The following ZHX3 variants were observed in gnomAD, a reference collection of about 807,000 sequenced individuals.
The protein encoded by ZHX3 is zinc fingers and homeoboxes protein 3.
ZHX3 carries 20 observed loss-of-function variants against 64.5 expected under a neutral mutation model. The observed-to-expected ratio is 0.31, with a 90% CI of 0.22 to 0.45. ZHX3 has a LOEUF of 0.45. Ranked by LOEUF, ZHX3 falls within the 20% of genes least tolerant of loss-of-function variation. The probability of loss-of-function intolerance (pLI) is 1.00; values close to 1 mark genes in which losing one functional copy is unlikely to be tolerated. For synonymous variants in ZHX3, 423 were observed against 461.6 expected (o/e 0.92, Z 1.07); for missense variants, 1,041 against 1,195.8 (o/e 0.87, Z 1.91).
intron 2 of ZHX3, among the ~76,000 whole-genome samples, chr20:41,221,301 A>G (rs545629401): frequency 6.6e-6 from 1 of 152,222 alleles, no homozygotes; most frequent in Non-Finnish European, 1.5e-5. Context: ...CACATTATTT[A>G]TAATGTGAGA....
At chr20:41,261,863 G>A (rs2042578441) in intron 2 of ZHX3, among the ~76,000 whole-genome samples, 1 of 151,910 alleles carries the variant, frequency 6.6e-6, no homozygotes, top group African/African-American at 2.4e-5. Flanking sequence ...ATTTCCAACT[G>A]CTCCTAGATA....
At position 41,317,540 on chromosome 20, in the gene ZHX3, CCGGGCCGCTCTTCCCGCGCTG is replaced by C. The variant is rs1261779757; in HGVS notation, c.-297_-277del. The stretch of plus-strand genomic sequence containing the variant: ...GCGGCGGCGGTGGCGGCGCCCGCGA[CCGGGCCGCTCTTCCCGCGCTG>C]CGGGCCTCCCTCCCCGCGGCCGGGC... On this transcript the variant is annotated 5_prime_UTR_variant, in exon 1 of 4. Transcript: ENST00000683867. The C allele has an allele frequency of 6.8e-6, 1 of 147,538 alleles. No individual in the cohort carries two copies. Among genetic ancestry groups the C allele is most frequent in the African/African-American group, 2.4e-5 (1 of 40,928 alleles). The allele number at this position is 147,538 out of a possible 1,614,324, so 9.1% of individuals were successfully genotyped here. A position where few individuals can be genotyped will look rare whatever the true frequency, so the allele number is the denominator to read the frequency against.
chr20:41,305,201 C>T (rs773038035), intron 1 of ZHX3, among the ~76,000 whole-genome samples: 14 of 152,154 alleles, frequency 9.2e-5, no homozygotes, highest in South Asian at 4.1e-4. Flanking sequence ...TTCAGTGATA[C>T]GCAAGGTAAG....
chr20:41,315,346 C>CTT (rs11471425), intron 1 of ZHX3, among the ~76,000 whole-genome samples: 14 of 56,056 alleles, frequency 2.5e-4, no homozygotes, highest in Non-Finnish European at 3.2e-4. Flanking sequence ...CCAGGCCTGG[C>CTT]TTTTTTTTTT....
At chr20:41,240,515 C>G (rs1295372555) in intron 2 of ZHX3, among the ~76,000 whole-genome samples, 1 of 152,104 alleles carries the variant, frequency 6.6e-6, no homozygotes, top group Admixed American at 6.5e-5. Context: ...TTCATCGCCT[C>G]AAGTATTTAT....
chr20:41,258,411 T>A (rs1004371024), intron 2 of ZHX3, among the ~76,000 whole-genome samples: 1 of 152,214 alleles, frequency 6.6e-6, no homozygotes, highest in African/African-American at 2.4e-5. Context: ...TTTCTACCGA[T>A]GTCCCTTTAC....
At chr20:41,287,997 C>A (rs1252645378) in intron 1 of ZHX3, among the ~76,000 whole-genome samples, 2 of 152,074 alleles carry the variant, frequency 1.3e-5, no homozygotes, top group Non-Finnish European at 2.9e-5. Flanking sequence ...CCTTTAAAAT[C>A]AAATTTGGAG....
At chr20:41,257,527 G>A (rs2146542524) in intron 2 of ZHX3, among the ~76,000 whole-genome samples, 1 of 151,814 alleles carries the variant, frequency 6.6e-6, no homozygotes, top group East Asian at 1.9e-4. Flanking sequence ...TTCTACTCAG[G>A]TCCAAATTCA....
At chr20:41,255,764 C>G (rs2042218340) in intron 2 of ZHX3, among the ~76,000 whole-genome samples, 1 of 152,168 alleles carries the variant, frequency 6.6e-6, no homozygotes, top group Non-Finnish European at 1.5e-5. Context: ...AACTTGGAAT[C>G]TGACTCAAGA....
intron 1 of ZHX3, among the ~76,000 whole-genome samples, chr20:41,281,920 C>A (rs2043696162): frequency 6.6e-6 from 1 of 152,168 alleles, no homozygotes; most frequent in Admixed American, 6.5e-5. Flanking sequence ...AGGCAGAAGG[C>A]TATTGCAGAA....
rs372206417 is a variant in ZHX3 at position 41,292,131 on chromosome 20, T to C, written c.-244-23048A>G. ...CATTATTGCTTATTTTTTATGAAAA[T>C]AGAGCAGCTGAATTGTCAGTGTCAA... On this transcript the variant is annotated intron_variant, in intron 1 of 3. Coordinates refer to ENST00000683867, the MANE Select transcript of ZHX3 (RefSeq NM_001384317.1). Among the ~76,000 whole-genome samples the C allele has an allele frequency of 5.3e-5, 8 of 151,252 alleles. No homozygotes were observed. The East Asian group carries it at 1.4e-3, about 26-fold the overall frequency.
rs1370730403 is a variant in ZHX3 at position 41,181,442 on chromosome 20, C to G, written c.*3749G>C. ...CGAGGTTTGGTTTTAAAATTTTCTT[C>G]TTGGCTGGCTCTCCTCTCCTGCAAG... is the stretch of plus-strand genomic sequence containing the variant. On this transcript the variant is annotated 3_prime_UTR_variant, in exon 4 of 4. Transcript: ENST00000683867. The G allele has an allele frequency of 6.6e-6, 1 of 152,178 alleles. No homozygotes were observed. The highest frequency in any genetic ancestry group is 1.5e-5 in the Non-Finnish European group (1 of 68,044). The allele number at this position is 152,178 out of a possible 1,614,324, so 9.4% of individuals were successfully genotyped here.
rs1260818354 is a variant in ZHX3, at chr20:41,181,645, G to T, written c.*3546C>A. 2.6e-5 allele frequency: 4 copies of T among 152,310 alleles called. No homozygotes were observed. The highest frequency in any genetic ancestry group is 9.7e-5 in the African/African-American group (4 of 41,450). The allele number at this position is 152,310 out of a possible 1,614,324, so 9.4% of individuals were successfully genotyped here. The stretch of plus-strand genomic sequence containing the variant: ...AAGGCAGCCAGGGACAGATGTCCCA[G>T]AGCCAGGAGAGAGAGGGAGAGAACA... On this transcript the variant is annotated 3_prime_UTR_variant, in exon 4 of 4. Transcript: ENST00000683867.
rs1294830238 is a variant in ZHX3 at position 41,204,019 on chromosome 20, T to A, written c.898A>T (p.Met300Leu). ...GTTGGAATGCTGCTCAGGGGGATCATCACTTTGGGAAGGGCCTTGGCCGTG... is the reference window on the plus strand; with the variant it reads ...GTTGGAATGCTGCTCAGGGGGATCAACACTTTGGGAAGGGCCTTGGCCGTG... ...LPTAKALPKV[M>L]IPLSSIPTYN... The change falls in exon 3 of 4, where the codon ATG becomes TTG. Residue 300 changes from methionine to leucine, a missense_variant. By Grantham distance (15) the Met-to-Leu change is conservative (BLOSUM62 2). Around this residue, in one of 4 missense-constraint regions of ZHX3, gnomAD observed 358 missense variants for 369.1 expected, o/e 0.97. Transcript: ENST00000683867. The surrounding 1 kb of genome is among the most constrained non-coding windows in gnomAD (Gnocchi z 6.6). 1 of 1,614,228 alleles carries A rather than the reference T, an allele frequency of 6.2e-7. No individual in the cohort carries two copies. The highest frequency in any genetic ancestry group is 8.5e-7 in the Non-Finnish European group (1 of 1,180,034).
At chr20:41,248,872 A>G (rs2146495216) in intron 2 of ZHX3, among the ~76,000 whole-genome samples, 1 of 152,346 alleles carries the variant, frequency 6.6e-6, no homozygotes, top group African/African-American at 2.4e-5. Flanking sequence ...CCCCCCTGAC[A>G]GTGTTTTTGC....
intron 3 of ZHX3, among the ~76,000 whole-genome samples, chr20:41,196,418 AT>A (rs2037551436): frequency 1.5e-5 from 1 of 65,528 alleles, no homozygotes; most frequent in Non-Finnish European, 2.6e-5. Context: ...ATTATATATA[AT>A]ATATATTTAT....
rs1306406392 is a variant in ZHX3 at position 41,251,169 on chromosome 20, A to G, written c.-151+17821T>C. 7.2e-5 allele frequency among the ~76,000 whole-genome samples: 11 copies of G among 152,218 alleles called. No individual in the cohort carries two copies. The South Asian group carries it at 1.2e-3, about 17-fold the overall frequency. ...GGCAGAAATATGGGGAGATATATAT[A>G]TATATAGATTATCCTCCTGTAGTCC... On this transcript the variant is annotated intron_variant, in intron 2 of 3. Coordinates refer to ENST00000683867, the MANE Select transcript of ZHX3 (RefSeq NM_001384317.1).
chr20:41,305,661 G>A (rs915620497), intron 1 of ZHX3, among the ~76,000 whole-genome samples: 2 of 152,028 alleles, frequency 1.3e-5, no homozygotes, highest in South Asian at 2.1e-4. Flanking sequence ...GCGGGCGCCT[G>A]TAGTCCCAGC....
intron 1 of ZHX3, among the ~76,000 whole-genome samples, chr20:41,301,825 C>A (rs903170107): frequency 6.6e-6 from 1 of 151,836 alleles, no homozygotes; most frequent in East Asian, 1.9e-4. Flanking sequence ...GAGGCCGAGG[C>A]GGGCGGATCA....
Sources: allele counts gnomAD v4.1 joint callset (sites outside exome capture counted in the v4.1 genomes callset), GRCh38; gene constraint gnomAD v4.1.1; regional missense constraint gnomAD v4.1.1; non-coding constraint Gnocchi (gnomAD v3.1); transcripts MANE v1.5; gene names NCBI Gene and HGNC (gene_info 2026-07-23, HGNC 2026-07-21).